PLCL2: variants seen among roughly 807,000 people sequenced by gnomAD.
PLCL2 encodes inactive phospholipase C-like protein 2.
A neutral mutation model predicts 79.6 loss-of-function variants in PLCL2; 4 were observed. That is an observed-to-expected ratio of 0.05 (90% confidence interval 0.02 to 0.11). The LOEUF (loss-of-function observed/expected upper bound fraction) is 0.11. Among genes scored for constraint, PLCL2 ranks in the 10% least tolerant of loss-of-function variants. The probability of loss-of-function intolerance (pLI) is 1.00; values close to 1 mark genes in which losing one functional copy is unlikely to be tolerated. For missense variants in PLCL2, 895 were observed against 1,291.0 expected (o/e 0.69, Z 4.70); for synonymous variants, 484 against 457.7 (o/e 1.06, Z -0.73).
chr3:16,970,458 T>A (rs1435251537), intron 1 of PLCL2, among the ~76,000 whole-genome samples: 2 of 147,642 alleles, frequency 1.4e-5, no homozygotes, highest in Admixed American at 1.4e-4. Flanking sequence ...ATCCAGTCTA[T>A]CATTGTTGGA....
At chr3:17,068,740 T>G (rs2065033835) in intron 5 of PLCL2, among the ~76,000 whole-genome samples, 1 of 152,228 alleles carries the variant, frequency 6.6e-6, no homozygotes, top group African/African-American at 2.4e-5. Flanking sequence ...GTTGGCCTTT[T>G]GCTGTGCATT....
chr3:16,978,703 A>G (rs1410428129), intron 1 of PLCL2, among the ~76,000 whole-genome samples: 3 of 152,232 alleles, frequency 2.0e-5, no homozygotes, highest in Non-Finnish European at 4.4e-5. Flanking sequence ...TTCTTACCAT[A>G]GAGGCACTGG....
chr3:16,936,069 G>A (rs1185724195), intron 1 of PLCL2, among the ~76,000 whole-genome samples: 1 of 152,116 alleles, frequency 6.6e-6, no homozygotes, highest in Non-Finnish European at 1.5e-5. Flanking sequence ...TTCTCTTGAG[G>A]CCATCAGAAC....
chr3:16,957,746 G>A (rs1007149227), intron 1 of PLCL2, among the ~76,000 whole-genome samples: 1 of 152,146 alleles, frequency 6.6e-6, no homozygotes, highest in South Asian at 2.1e-4. Context: ...AGGATAGTTA[G>A]CTCTTCTTGT....
At chr3:17,046,975 A>C (rs2064786755) in intron 4 of PLCL2, among the ~76,000 whole-genome samples, 1 of 152,158 alleles carries the variant, frequency 6.6e-6, no homozygotes, top group Non-Finnish European at 1.5e-5. Context: ...CCATATGGGG[A>C]ATTTAATAGG....
At chr3:16,921,047 G>A (rs1172896476) in intron 1 of PLCL2, among the ~76,000 whole-genome samples, 1 of 152,144 alleles carries the variant, frequency 6.6e-6, no homozygotes, top group Non-Finnish European at 1.5e-5. Flanking sequence ...TGACTGAAAA[G>A]CATCTTTAAA....
chr3:16,957,794 T>C (rs974294270), intron 1 of PLCL2, among the ~76,000 whole-genome samples: 3 of 152,220 alleles, frequency 2.0e-5, no homozygotes, highest in Non-Finnish European at 4.4e-5. Flanking sequence ...TGGCCTTCTT[T>C]ATCTCTTTTG....
At chr3:16,990,982 CT>C (rs2064099156) in intron 1 of PLCL2, among the ~76,000 whole-genome samples, 3 of 152,296 alleles carry the variant, frequency 2.0e-5, no homozygotes, top group Admixed American at 2.0e-4. Context: ...GGTGATGGGG[CT>C]TTGGGAACTC....
chr3:16,926,888 C>T (rs1330572920), intron 1 of PLCL2, among the ~76,000 whole-genome samples: 2 of 152,036 alleles, frequency 1.3e-5, no homozygotes, highest in Non-Finnish European at 2.9e-5. Flanking sequence ...CTTGGCCTCC[C>T]AAAGTGCTAG....
chr3:16,889,836 G>A (rs933023666), intron 1 of PLCL2, among the ~76,000 whole-genome samples: 8 of 152,064 alleles, frequency 5.3e-5, no homozygotes, highest in Non-Finnish European at 8.8e-5. Context: ...TTTTTTAATT[G>A]GATCTTAAAA....
At chr3:17,089,630 G>T (rs1184770903) in intron 5 of PLCL2, 103 bp from the exon 6 acceptor site, 3 of 722,080 alleles carry the variant, frequency 4.2e-6, no homozygotes, top group Non-Finnish European at 7.0e-6. Flanking sequence ...ATGCCTTCTT[G>T]TGGAATCAGA....
At chr3:16,914,748 G>A (rs1325906309) in intron 1 of PLCL2, among the ~76,000 whole-genome samples, 2 of 151,796 alleles carry the variant, frequency 1.3e-5, no homozygotes, top group Non-Finnish European at 2.9e-5. Context: ...ATTTTTTATT[G>A]TTTTTAGAGA....
intron 1 of PLCL2, among the ~76,000 whole-genome samples, chr3:16,902,365 T>C (rs553124143): frequency 6.6e-6 from 1 of 152,332 alleles, no homozygotes; most frequent in East Asian, 1.9e-4. Context: ...GGGGCTGCTA[T>C]TAAAATTAAA....
chr3:17,012,240 T>C, intron 2 of PLCL2, 80 bp downstream of exon 2: 1 of 1,230,202 alleles, frequency 8.1e-7, no homozygotes, highest in Non-Finnish European at 1.1e-6. Flanking sequence ...TATTGGTTTT[T>C]TAATAATAGT....
chr3:17,022,029 C>T (rs2064460860), intron 3 of PLCL2, among the ~76,000 whole-genome samples: 2 of 151,988 alleles, frequency 1.3e-5, no homozygotes, highest in African/African-American at 2.4e-5. Flanking sequence ...TGTTAGGGGG[C>T]AGTGGTTTAG....
chr3:16,900,868 A>G (rs530714230), intron 1 of PLCL2, among the ~76,000 whole-genome samples: 31 of 152,298 alleles, frequency 2.0e-4, no homozygotes, highest in Admixed American at 1.9e-3. Context: ...CTCACATTTT[A>G]TACGTGTAAA....
At chr3:16,906,919 G>C (rs192626171) in intron 1 of PLCL2, among the ~76,000 whole-genome samples, 2 of 152,310 alleles carry the variant, frequency 1.3e-5, no homozygotes, top group East Asian at 3.9e-4. Context: ...TTGCAGACTT[G>C]GGGAAGGCCC....
In PLCL2 at chr3:17,047,199, A is replaced by G. The variant is rs191727351; in HGVS notation, c.3094+4250A>G. On this transcript the variant is annotated intron_variant, in intron 4 of 5. Coordinates refer to ENST00000615277, the MANE Select transcript of PLCL2 (RefSeq NM_001144382.2). ...TCGAAGAAAAAAGAAGGAAGGAATC[A>G]AGGGGCAAAAGCTGCCACAGGAACT... Among the ~76,000 whole-genome samples, 27 of 152,342 alleles carry G rather than the reference A, an allele frequency of 1.8e-4. No individual in the cohort carries two copies. The East Asian group carries it at 3.9e-3, about 22-fold the overall frequency.
chr3:16,998,155 C>G lies in PLCL2; in HGVS notation c.328-11519C>G, dbSNP rs190506873. 9.2e-5 allele frequency among the ~76,000 whole-genome samples: 14 copies of G among 151,776 alleles called. No individual in the cohort carries two copies. In the East Asian group the frequency reaches 2.7e-3, roughly 30 times the overall value. ...CCCTGGATTGCATTTTTTCCCTCAA[C>G]CCCAAGCAGTGCCAGAGTTAAAGAT... On this transcript the variant is annotated intron_variant, in intron 1 of 5. Coordinates refer to ENST00000615277, the MANE Select transcript of PLCL2 (RefSeq NM_001144382.2).
Sources: gnomAD v4.1 joint callset for allele counts (sites outside exome capture counted in the v4.1 genomes callset) on GRCh38, gnomAD v4.1.1 for gene constraint, MANE v1.5 for transcripts, NCBI Gene and HGNC (gene_info 2026-07-23, HGNC 2026-07-21) for gene names.